The following FLNB variants were observed in gnomAD, a reference collection of about 807,000 sequenced individuals.
FLNB encodes filamin-B.
In FLNB, 111 loss-of-function variants were observed where a neutral mutation model predicts 250.6. That is an observed-to-expected ratio of 0.44 (90% CI 0.38 to 0.52). The LOEUF (loss-of-function observed/expected upper bound fraction) is 0.52, where lower values mean the gene tolerates loss of function less well. Among genes scored for constraint, FLNB ranks in the 20% least tolerant of loss-of-function variants. The pLI is 0.00. For synonymous variants in FLNB, 1,302 were observed against 1,372.1 expected (o/e 0.95, Z 1.13); for missense variants, 2,869 against 3,447.8 (o/e 0.83, Z 4.20).
rs534087136 is a variant in FLNB at position 58,077,693 on chromosome 3, G to GT, written c.541+400dup. On this transcript the variant is annotated intron_variant, in intron 2 of 45. Transcript: ENST00000295956. ...ATGAAAATCTGAAAACTTCCATGGA[G>GT]TGGAAAGTACCCATTTTTATTAACC... is the stretch of plus-strand genomic sequence containing the variant. 1.6e-3 allele frequency among the ~76,000 whole-genome samples: 240 copies of GT among 152,310 alleles called. 2 individuals carry two copies. The highest frequency in any genetic ancestry group is 5.5e-3 in the African/African-American group (230 of 41,566).
At chr3:58,138,655 A>C in intron 29 of FLNB, 126 bp downstream of exon 29, 1 of 1,170,544 alleles carries the variant, frequency 8.5e-7, no homozygotes, top group African/African-American at 1.5e-5. Context: ...TTTGTTAAGC[A>C]GTCATGACCT....
At chr3:58,079,513 A>G (rs1210217604) in intron 3 of FLNB, among the ~76,000 whole-genome samples, 1 of 152,192 alleles carries the variant, frequency 6.6e-6, no homozygotes, top group East Asian at 1.9e-4. Context: ...AGCCTCCCAA[A>G]GTGCTGGGAT....
chr3:58,151,467 G>C (rs2097344883), intron 38 of FLNB: 2 of 151,976 alleles, frequency 1.3e-5, no homozygotes, highest in Admixed American at 1.3e-4. Flanking sequence ...CTCAAGGTGG[G>C]GGGAGGAAGT....
chr3:58,160,173 T>G lies in FLNB; in HGVS notation c.7021+487T>G, dbSNP rs143892485. On this transcript the variant is annotated intron_variant, in intron 42 of 45. Coordinates refer to ENST00000295956, the MANE Select transcript of FLNB (RefSeq NM_001457.4). ...TTTCTTTCATATTGTAACAACATCTTACAGATTTTTATTCATTGACCTTAT... is the reference window on the plus strand; with the variant it reads ...TTTCTTTCATATTGTAACAACATCTGACAGATTTTTATTCATTGACCTTAT... 2.2e-3 allele frequency among the ~76,000 whole-genome samples: 328 copies of G among 152,354 alleles called. 3 individuals are homozygous for G. Among genetic ancestry groups the G allele is most frequent in the African/African-American group, 7.6e-3 (318 of 41,578 alleles).
chr3:58,023,193 G>T (rs1158114477), intron 1 of FLNB, among the ~76,000 whole-genome samples: 2 of 149,580 alleles, frequency 1.3e-5, no homozygotes, highest in African/African-American at 5.0e-5. Flanking sequence ...CTGCCTCCTG[G>T]GTTCAAGTGA....
intron 1 of FLNB, among the ~76,000 whole-genome samples, chr3:58,070,711 G>A (rs2097193103): frequency 6.7e-6 from 1 of 149,550 alleles, no homozygotes; most frequent in Non-Finnish European, 1.5e-5. Context: ...CCAGGCTGGA[G>A]TGCAGTGGTG....
chr3:58,153,220 G>A (rs571224577), intron 38 of FLNB, among the ~76,000 whole-genome samples, 155 bp from the exon 39 acceptor site: 1 of 152,322 alleles, frequency 6.6e-6, no homozygotes, highest in South Asian at 2.1e-4. Context: ...GCCACAGAAG[G>A]GCAGGCACCC....
chr3:58,106,617 G>A (rs534428751), intron 11 of FLNB, 63 bp from the exon 12 acceptor site: 18 of 1,496,320 alleles, frequency 1.2e-5, no homozygotes, highest in South Asian at 5.6e-5. Flanking sequence ...ATGAGCTGTC[G>A]TAACATAGAA....
chr3:58,054,628 T>G (rs1463326037), intron 1 of FLNB, among the ~76,000 whole-genome samples: 3 of 152,238 alleles, frequency 2.0e-5, no homozygotes, highest in African/African-American at 7.2e-5. Flanking sequence ...CCATCAGATC[T>G]TGTGAGAACA....
At position 58,148,668 on chromosome 3, in the gene FLNB, G is replaced by A; in HGVS notation, c.5907G>A (p.Arg1969=). Residue 1969 remains arginine (R), a synonymous_variant, in exon 36 of 46, where the codon CGG becomes CGA. Coordinates refer to ENST00000295956, the MANE Select transcript of FLNB (RefSeq NM_001457.4). ...NNHIGISFIP[R]EVGEHLVSIK... is the part of the protein sequence containing the mutation. ...GTCCAGGCATCTCCTTCATCCCCCG[G>A]GAAGTGGGCGAACATCTGGTCAGCA... is the stretch of plus-strand genomic sequence containing the variant. 6.2e-7 allele frequency: 1 copy of A among 1,614,102 alleles called. No homozygotes were observed. Among genetic ancestry groups the A allele is most frequent in the Non-Finnish European group, 8.5e-7 (1 of 1,180,004 alleles).
chr3:58,047,486 A>T (rs1430549830), intron 1 of FLNB, among the ~76,000 whole-genome samples: 5 of 152,052 alleles, frequency 3.3e-5, no homozygotes, highest in Non-Finnish European at 5.9e-5. Flanking sequence ...CTCTTATATA[A>T]CCTTCCCCAG....
chr3:58,112,352 C>A, intron 18 of FLNB, 34 bp downstream of exon 18: 2 of 1,596,476 alleles, frequency 1.3e-6, no homozygotes, highest in Non-Finnish European at 1.7e-6. Context: ...CCCCTGGCCC[C>A]CAGCCAGGCC....
intron 34 of FLNB, among the ~76,000 whole-genome samples, chr3:58,147,928 G>C (rs1321703583): frequency 6.6e-6 from 1 of 152,162 alleles, no homozygotes; most frequent in Non-Finnish European, 1.5e-5. Context: ...TCAAAGTGTT[G>C]GGATTAGGCA....
Position 58,154,910 on chromosome 3 carries a change from T to A in FLNB, c.6754T>A (p.Tyr2252Asn), listed in dbSNP as rs2097350973. ...TAAAAATGGGTCGTGCGGTGTATCT[T>A]ATATTGCCCAAGAGCCTGGTATGTA... ...DHKNGSCGVS[Y>N]IAQEPGNYEV... The change falls in exon 40 of 46, where the codon TAT becomes AAT. Residue 2252 changes from tyrosine to asparagine, a missense_variant. Tyr to Asn is a moderately radical substitution (Grantham distance 143). Around this residue, in one of 5 missense-constraint regions of FLNB, gnomAD observed 1,084 missense variants for 1,315.5 expected, o/e 0.82. Transcript: ENST00000295956. 1 of 1,613,998 alleles carries A rather than the reference T, an allele frequency of 6.2e-7. No homozygotes were observed. Among genetic ancestry groups the A allele is most frequent in the African/African-American group, 1.3e-5 (1 of 74,916 alleles).
At chr3:58,129,275 G>T (rs1442005809) in intron 24 of FLNB, among the ~76,000 whole-genome samples, 1 of 152,198 alleles carries the variant, frequency 6.6e-6, no homozygotes, top group East Asian at 1.9e-4. Context: ...TGAGGAAGAA[G>T]ATCTGGCATG....
Position 58,100,373 on chromosome 3 carries a change from A to AAAAAAATATATATATATAT in FLNB, c.1345+1466_1345+1467insAAAAATATATATATATATA. On this transcript the variant is annotated intron_variant, in intron 8 of 45. Transcript: ENST00000295956. ...AATGATTTTACATATGTAAAAAAAA[A>AAAAAAATATATATATATAT]ATATATATATATTTGCAGGGGCGCG... Among the ~76,000 whole-genome samples, 35 of 104,344 alleles carry AAAAAAATATATATATATAT rather than the reference A, an allele frequency of 3.4e-4. 2 individuals are homozygous for AAAAAAATATATATATATAT. Among genetic ancestry groups the AAAAAAATATATATATATAT allele is most frequent in the Middle Eastern group, 4.8e-3 (1 of 210 alleles). The allele number at this position is 104,344 out of a possible 152,430, so 68.5% of individuals were successfully genotyped here.
intron 4 of FLNB, among the ~76,000 whole-genome samples, chr3:58,088,026 A>C (rs1576695013): frequency 7.5e-6 from 1 of 134,190 alleles, no homozygotes; most frequent in Non-Finnish European, 1.5e-5. Flanking sequence ...GGTGTGAACC[A>C]CGGCGCCCAG....
At chr3:58,140,716 C>T (rs2107242270) in intron 29 of FLNB, among the ~76,000 whole-genome samples, 1 of 152,234 alleles carries the variant, frequency 6.6e-6, no homozygotes, top group African/African-American at 2.4e-5. Context: ...TTAAGCGATT[C>T]TCCTGCCTCA....
chr3:58,060,118 C>T (rs1238065668), intron 1 of FLNB, among the ~76,000 whole-genome samples: 1 of 152,192 alleles, frequency 6.6e-6, no homozygotes, highest in Non-Finnish European at 1.5e-5. Flanking sequence ...ACTGGGAGGT[C>T]GGACCTCTGC....
Sources: allele counts gnomAD v4.1 joint callset (sites outside exome capture counted in the v4.1 genomes callset), GRCh38; gene constraint gnomAD v4.1.1; regional missense constraint gnomAD v4.1.1; transcripts MANE v1.5; gene names NCBI Gene and HGNC (gene_info 2026-07-23, HGNC 2026-07-21).